The following BMP1 variants were observed in gnomAD, a reference collection of about 807,000 sequenced individuals.
The protein encoded by BMP1 is mammalian tolloid protein.
Under a neutral mutation model 116.8 loss-of-function variants are expected in BMP1, and 63 were observed. That is an observed-to-expected ratio of 0.54 (90% CI 0.44 to 0.67). BMP1 has a LOEUF of 0.67. BMP1 is among the 30% of genes least tolerant of loss of function. The pLI, the probability that BMP1 is intolerant of heterozygous loss-of-function variation, is 0.00. For synonymous variants in BMP1, 536 were observed against 533.4 expected, an observed-to-expected ratio of 1.00 and a Z score of -0.07; for missense variants, 1,183 against 1,358.9, an observed-to-expected ratio of 0.87 and a Z score of 2.04.
Position 22,200,359 on chromosome 8 carries a change from G to A in BMP1, c.2108-1444G>A, listed in dbSNP as rs558903273. Among the ~76,000 whole-genome samples, 114 of 152,262 alleles carry A rather than the reference G, an allele frequency of 7.5e-4. 1 individual carries two copies. The highest frequency in any genetic ancestry group is 3.4e-3 in the Middle Eastern group (1 of 294). On this transcript the variant is annotated intron_variant, in intron 15 of 19. Coordinates refer to ENST00000306385, the MANE Select transcript of BMP1 (RefSeq NM_006129.5). ...TGTATCCATGTCCAGGTGTCCATGC[G>A]CCTGTGTGTGCAGATGTGTCCTGTC...
At chr8:22,205,121 G>C (rs1387261667) in intron 16 of BMP1, among the ~76,000 whole-genome samples, 1 of 152,188 alleles carries the variant, frequency 6.6e-6, no homozygotes, top group Non-Finnish European at 1.5e-5. Context: ...GAGTCCAGAG[G>C]TTGAAGCCAT....
intron 13 of BMP1, 50 bp downstream of exon 13, chr8:22,195,637 C>G (rs1423703361): frequency 6.4e-7 from 1 of 1,569,588 alleles, no homozygotes; most frequent in Admixed American, 2.1e-5. Context: ...TGGCACCAGC[C>G]CACCTGCCCA....
At chr8:22,174,871 C>T (rs142586423) in intron 2 of BMP1, among the ~76,000 whole-genome samples, 21 of 152,110 alleles carry the variant, frequency 1.4e-4, no homozygotes, top group South Asian at 1.0e-3. Context: ...TGGCCTCAAG[C>T]GAACTATCCT....
intron 15 of BMP1, chr8:22,199,179 C>A: frequency 7.3e-7 from 1 of 1,367,636 alleles, no homozygotes; most frequent in Non-Finnish European, 9.8e-7. Context: ...ATTGCCCCAT[C>A]GCACAAGAAA....
intron 19 of BMP1, among the ~76,000 whole-genome samples, chr8:22,210,468 T>TCTCTCTCTCTCTCTCTCACACA (rs10664439): frequency 6.6e-5 from 9 of 135,568 alleles, no homozygotes; most frequent in African/African-American, 2.7e-4. Flanking sequence ...TCTCTCTCTC[T>TCTCTCTCTCTCTCTCTCACACA]CACACACATA....
In BMP1 at chr8:22,209,564, G is replaced by A. The variant is rs767379182; in HGVS notation, c.2695G>A (p.Gly899Ser). Residue 899 changes from glycine to serine, a missense_variant, in exon 19 of 20, where the codon GGC becomes AGC. By Grantham distance (56) the Gly-to-Ser change is moderately conservative. Transcript: ENST00000306385. ...TGAGTGGGTCATTGTGGCCGAGGAA[G>A]GCTACGGCGTGGAGCTCGTGTTCCA... The part of the protein sequence containing the change: ...DCEWVIVAEE[G>S]YGVELVFQTF... The A allele has an allele frequency of 5.6e-6, 9 of 1,614,242 alleles. No homozygotes were observed. Among genetic ancestry groups the A allele is most frequent in the Non-Finnish European group, 7.6e-6 (9 of 1,180,044 alleles).
intron 1 of BMP1, among the ~76,000 whole-genome samples, chr8:22,172,259 C>CCCCAG (rs974364521): frequency 2.0e-5 from 3 of 152,196 alleles, no homozygotes; most frequent in African/African-American, 4.8e-5. Flanking sequence ...CTCCCACTTC[C>CCCCAG]CCCAGCCCAG....
Position 22,196,909 on chromosome 8 carries a change from C to T in BMP1, c.1926+69C>T. 4 of 1,519,126 alleles carry T rather than the reference C, an allele frequency of 2.6e-6. No homozygotes were observed. The South Asian group carries it at 5.1e-5, about 19-fold the overall frequency. The allele number at this position is 1,519,126 out of a possible 1,614,324, so 94.1% of individuals were successfully genotyped here. A position where few individuals can be genotyped will look rare whatever the true frequency, so the allele number is the denominator to read the frequency against. On this transcript the variant is annotated intron_variant, in intron 14 of 19. Transcript: ENST00000306385. ...GCGTGGGCATTCAGCTCAGTGCCTG[C>T]TTCCTGTCCTCTGAGAGGGGGCCCG...
chr8:22,178,055 C>G (rs1828505285), intron 6 of BMP1, 98 bp downstream of exon 6: 1 of 1,061,806 alleles, frequency 9.4e-7, no homozygotes, highest in Non-Finnish European at 1.4e-6. Context: ...GGGCAGTGAC[C>G]CAGGAAAAGA....
intron 6 of BMP1, 29 bp downstream of exon 6, chr8:22,177,986 T>G (rs1268632974): frequency 6.5e-7 from 1 of 1,541,546 alleles, no homozygotes. Flanking sequence ...GCTGGGCCTC[T>G]GCTCGGGCAG....
At position 22,179,215 on chromosome 8, in the gene BMP1, T is replaced by TTG. The variant is rs1290893198; in HGVS notation, c.837-490_837-489insTG. 3.9e-5 allele frequency among the ~76,000 whole-genome samples: 6 copies of TTG among 152,374 alleles called. No homozygotes were observed. The highest frequency in any genetic ancestry group is 1.2e-4 in the African/African-American group (5 of 41,588). ...GGCTTGGTCTGGCTGCAGTGGAATC[T>TTG]GCCTTTGGCCTTGTTCCAGGTGCTT... On this transcript the variant is annotated intron_variant, in intron 6 of 19. Coordinates refer to ENST00000306385, the MANE Select transcript of BMP1 (RefSeq NM_006129.5). This position sits in a 1 kb window ranked among gnomAD's most constrained non-coding sequence, Gnocchi z 4.6.
In BMP1 at chr8:22,176,166, A is replaced by G. The variant is rs1828424761; in HGVS notation, c.286A>G (p.Ser96Gly). Residue 96 changes from serine (S) to glycine (G), a missense_variant, in exon 3 of 20, where the codon AGC (serine) becomes GGC (glycine). Physicochemically the swap from Ser to Gly is moderately conservative, Grantham distance 56. Transcript: ENST00000306385. Reference sequence around the variant, plus strand: ...AGTTCCAGGAAACACTTCTACCCCCAGCTGCCAGAGCACCAACGGGCAGCC... The same window carrying G: ...AGTTCCAGGAAACACTTCTACCCCCGGCTGCCAGAGCACCAACGGGCAGCC... Reference protein sequence around the residue: ...AAVPGNTSTPSCQSTNGQPQR... With the variant: ...AAVPGNTSTPGCQSTNGQPQR... The G allele has an allele frequency of 6.2e-7, 1 of 1,614,138 alleles. No homozygotes were observed. Among genetic ancestry groups the G allele is most frequent in the Middle Eastern group, 1.6e-4 (1 of 6,062 alleles).
rs115306461 is a variant in BMP1 at position 22,168,515 on chromosome 8, G to A, written c.148+2962G>A. Among the ~76,000 whole-genome samples the A allele has an allele frequency of 6.3e-3, 955 of 152,248 alleles. 11 individuals carry two copies. The highest frequency in any genetic ancestry group is 0.022 in the African/African-American group (901 of 41,524). On this transcript the variant is annotated intron_variant, in intron 1 of 19. Coordinates refer to ENST00000306385, the MANE Select transcript of BMP1 (RefSeq NM_006129.5). ...ACACCCAGAGCTGGGTAGTGACCCT[G>A]TGCCAGTGAGGCCCCTGCTACCACC...
At chr8:22,181,552 CTT>C (rs113535839) in intron 8 of BMP1, among the ~76,000 whole-genome samples, 1,513 of 143,572 alleles carry the variant, frequency 0.011, 32 homozygotes, top group African/African-American at 0.035. Context: ...CTAGCCAGCT[CTT>C]TTTTTTTTTT....
chr8:22,202,429 A>G (rs1245567969), intron 16 of BMP1, among the ~76,000 whole-genome samples: 5 of 152,200 alleles, frequency 3.3e-5, no homozygotes, highest in Non-Finnish European at 7.3e-5. Context: ...GAAGGGCCCC[A>G]AGCAGGGCCT....
chr8:22,174,304 C>T (rs1366318984), intron 2 of BMP1, among the ~76,000 whole-genome samples: 1 of 152,210 alleles, frequency 6.6e-6, no homozygotes, highest in Non-Finnish European at 1.5e-5. Context: ...TGTGATCACA[C>T]TGTTACCCTG....
At chr8:22,177,252 C>CCGCAG in intron 5 of BMP1, 113 bp downstream of exon 5, 3 of 1,145,852 alleles carry the variant, frequency 2.6e-6, no homozygotes, top group Non-Finnish European at 3.7e-6. Flanking sequence ...TCGCCTGGGC[C>CCGCAG]CGCAGCGCTG....
intron 1 of BMP1, chr8:22,169,980 A>C (rs1325199630): frequency 6.6e-6 from 1 of 151,926 alleles, no homozygotes; most frequent in African/African-American, 2.4e-5. Context: ...GACCTCCTAG[A>C]CTCCTTAGCA....
intron 16 of BMP1, among the ~76,000 whole-genome samples, chr8:22,204,135 G>A (rs1829310538): frequency 6.6e-6 from 1 of 152,204 alleles, no homozygotes; most frequent in South Asian, 2.1e-4. Flanking sequence ...GCCTAGCTGG[G>A]GAGAGACATG....
Sources: allele counts gnomAD v4.1 joint callset (sites outside exome capture counted in the v4.1 genomes callset), GRCh38; gene constraint gnomAD v4.1.1; non-coding constraint Gnocchi (gnomAD v3.1); transcripts MANE v1.5; gene names NCBI Gene and HGNC (gene_info 2026-07-23, HGNC 2026-07-21).